Variants in RNF135 observed in about 807,000 individuals in gnomAD.
RNF135 encodes ring finger protein 135.
A neutral mutation model predicts 41.9 loss-of-function variants in RNF135; 46 were observed. That is an observed-to-expected ratio of 1.10 (90% CI 0.87 to 1.40). RNF135 has a LOEUF of 1.40. RNF135 is among the 40% of genes most tolerant of loss of function. The pLI is 0.00. For synonymous variants in RNF135, 238 were observed against 223.8 expected (o/e 1.06, Z -0.57); for missense variants, 539 against 549.8 (o/e 0.98, Z 0.20).
the RNF135 span, among the ~76,000 whole-genome samples, chr17:30,964,055 T>G: frequency 6.6e-6 from 1 of 152,172 alleles, no homozygotes; most frequent in African/African-American, 2.4e-5. Context: ...AATGATCTCT[T>G]CCGTCCCTTG....
chr17:30,992,042 C>G (rs1470586359), intron 3 of RNF135, among the ~76,000 whole-genome samples: 1 of 151,662 alleles, frequency 6.6e-6, no homozygotes, highest in African/African-American at 2.4e-5. Context: ...AGTGATTCTC[C>G]TGCCTCAGCC....
chr17:30,985,444 A>G (rs1291418635), intron 2 of RNF135, among the ~76,000 whole-genome samples: 1 of 152,098 alleles, frequency 6.6e-6, no homozygotes, highest in African/African-American at 2.4e-5. Context: ...TGCTTGCCCC[A>G]TTATCTTTCC....
In RNF135 at chr17:30,999,447, T is replaced by G; in HGVS notation, c.*256T>G. ...CACTTTTGAAGTTAATCCTTTTGTG[T>G]GATACAGGATGAACTTGGGATGTTT... is the stretch of plus-strand genomic sequence containing the variant. On this transcript the variant is annotated 3_prime_UTR_variant, in exon 5 of 5. Transcript: ENST00000328381. The G allele has an allele frequency of 2.0e-6, 1 of 492,530 alleles. No individual in the cohort carries two copies. Among genetic ancestry groups the G allele is most frequent in the Non-Finnish European group, 3.7e-6 (1 of 269,442 alleles). The allele number at this position is 492,530 out of a possible 1,614,324, so 30.5% of individuals were successfully genotyped here.
At chr17:30,975,586 C>G in intron 1 of RNF135, 1 of 831,970 alleles carries the variant, frequency 1.2e-6, no homozygotes, top group East Asian at 2.4e-5. Flanking sequence ...TCAAGAACCA[C>G]AGAGCAAAAC....
chr17:30,999,305 G>T lies in RNF135; in HGVS notation c.*114G>T, dbSNP rs1908586145. On this transcript the variant is annotated 3_prime_UTR_variant, in exon 5 of 5. Coordinates refer to ENST00000328381, the MANE Select transcript of RNF135 (RefSeq NM_032322.4). ...TTTAGAAAAATTACGATAGAGATGGGATCTCACTAGGTTGCCCAGGCTGGT... is the reference window on the plus strand; with the variant it reads ...TTTAGAAAAATTACGATAGAGATGGTATCTCACTAGGTTGCCCAGGCTGGT... The T allele has an allele frequency of 1.7e-6, 2 of 1,185,478 alleles. No individual in the cohort carries two copies. The highest frequency in any genetic ancestry group is 2.4e-6 in the Non-Finnish European group (2 of 827,776). The allele number at this position is 1,185,478 out of a possible 1,614,324, so 73.4% of individuals were successfully genotyped here.
chr17:30,988,021 A>G lies in RNF135; in HGVS notation c.594A>G (p.Arg198=), dbSNP rs138358000. 3.8e-5 allele frequency: 62 copies of G among 1,613,970 alleles called. 1 individual carries two copies. In the African/African-American group the frequency reaches 8.1e-4, roughly 21 times the overall value. The change falls in exon 3 of 5, where the codon AGA becomes AGG. Residue 198 remains arginine, a synonymous_variant. Transcript: ENST00000328381. ...CCGACACAGCTGCAGGGAAAATCAGAGATATTCTCCATGACCTAGAAGAAA... is the reference window on the plus strand; with the variant it reads ...CCGACACAGCTGCAGGGAAAATCAGGGATATTCTCCATGACCTAGAAGAAA... ...VTSDTAAGKI[R]DILHDLEEIQ... is the part of the protein sequence containing the mutation.
rs1335006577 is a variant in RNF135 at position 30,999,005 on chromosome 17, C to T, written c.1113C>T (p.Asp371=). The part of the protein sequence containing the change: ...HMVKETVLGS[D]RPGVVGIWLN... Reference sequence around the variant, plus strand: ...TCAAGGAAACTGTCCTTGGCTCAGACAGACCTGGGGTGGTGGGCATCTGGC... The same window carrying T: ...TCAAGGAAACTGTCCTTGGCTCAGATAGACCTGGGGTGGTGGGCATCTGGC... The change falls in exon 5 of 5, where the codon GAC becomes GAT. Residue 371 remains aspartate (D), a synonymous_variant. Coordinates refer to ENST00000328381, the MANE Select transcript of RNF135 (RefSeq NM_032322.4). 1.9e-6 allele frequency: 3 copies of T among 1,614,174 alleles called. No individual in the cohort carries two copies. The highest frequency in any genetic ancestry group is 3.3e-5 in the Admixed American group (2 of 60,012).
At chr17:30,984,805 T>C in intron 2 of RNF135, 45 bp downstream of exon 2, 1 of 1,601,310 alleles carries the variant, frequency 6.2e-7, no homozygotes. Flanking sequence ...GGAATAGGGC[T>C]AGGGATTGCT....
At chr17:30,973,324 T>A (rs763943917) in intron 1 of RNF135, 1 of 152,204 alleles carries the variant, frequency 6.6e-6, no homozygotes, top group Non-Finnish European at 1.5e-5. Flanking sequence ...GTTGTCACTT[T>A]CTTGATGGTA....
chr17:30,979,755 A>G lies in RNF135; in HGVS notation c.373-4862A>G, dbSNP rs867611960. Among the ~76,000 whole-genome samples the G allele has an allele frequency of 1.7e-3, 133 of 79,412 alleles. 1 individual carries two copies. The highest frequency in any genetic ancestry group is 2.8e-3 in the Non-Finnish European group (112 of 39,352). The allele number at this position is 79,412 out of a possible 152,430, so 52.1% of individuals were successfully genotyped here. ...TCCCGGACGGGGCGGCTGGCCGGGC[A>G]GGGGGCTGACCCCCCTCCCCCCTCC... On this transcript the variant is annotated intron_variant, in intron 1 of 4. Transcript: ENST00000328381.
intron 3 of RNF135, among the ~76,000 whole-genome samples, chr17:30,990,199 G>C (rs1489115500): frequency 6.6e-6 from 1 of 151,818 alleles, no homozygotes; most frequent in African/African-American, 2.4e-5. Flanking sequence ...TTTAAATTTT[G>C]GGGGGTTAAA....
intron 1 of RNF135, among the ~76,000 whole-genome samples, chr17:30,982,669 C>CT (rs572334151): frequency 1.3e-3 from 201 of 152,264 alleles, no homozygotes; most frequent in African/African-American, 4.5e-3. Flanking sequence ...ATGGAGCCTT[C>CT]TATTTGGCTA....
intron 1 of RNF135, chr17:30,975,705 T>C: frequency 7.0e-7 from 1 of 1,420,668 alleles, no homozygotes; most frequent in Non-Finnish European, 9.9e-7. Context: ...GCAGACACAC[T>C]ACCCAGATTG....
chr17:30,960,200 T>C, the RNF135 span, among the ~76,000 whole-genome samples: 1 of 151,812 alleles, frequency 6.6e-6, no homozygotes, highest in African/African-American at 2.4e-5. Flanking sequence ...AAGACCATCC[T>C]GGCCAACATG....
chr17:30,962,294 A>C, the RNF135 span, among the ~76,000 whole-genome samples: 1 of 151,216 alleles, frequency 6.6e-6, no homozygotes, highest in Non-Finnish European at 1.5e-5. Flanking sequence ...CATCACATCC[A>C]GCTAATTTTT....
chr17:30,997,951 T>C (rs534724153), intron 4 of RNF135, among the ~76,000 whole-genome samples: 3 of 152,334 alleles, frequency 2.0e-5, no homozygotes, highest in African/African-American at 4.8e-5. Context: ...AAATGAAATA[T>C]ACAAAGTGAG....
chr17:30,964,749 A>G, the RNF135 span, among the ~76,000 whole-genome samples: 1 of 150,018 alleles, frequency 6.7e-6, no homozygotes, highest in African/African-American at 2.5e-5. Context: ...CAGTGGTGCA[A>G]TCTCGGCTCA....
intron 1 of RNF135, among the ~76,000 whole-genome samples, chr17:30,976,840 AGT>A (rs1478401867): frequency 1.3e-5 from 2 of 152,130 alleles, no homozygotes; most frequent in Non-Finnish European, 2.9e-5. Flanking sequence ...CTATAGATGA[AGT>A]GTGTTTCTTG....
At chr17:30,979,436 G>A (rs1349251253) in intron 1 of RNF135, among the ~76,000 whole-genome samples, 3 of 112,556 alleles carry the variant, frequency 2.7e-5, no homozygotes, top group Admixed American at 8.1e-5. Flanking sequence ...CAGTAGGGGC[G>A]GCCGGGCAGA....
Sources: gnomAD v4.1 joint callset for allele counts (sites outside exome capture counted in the v4.1 genomes callset) on GRCh38, gnomAD v4.1.1 for gene constraint, MANE v1.5 for transcripts, NCBI Gene and HGNC (gene_info 2026-07-23, HGNC 2026-07-21) for gene names.